The following RIMS1 variants were observed in gnomAD, a reference collection of about 807,000 sequenced individuals.
RIMS1 encodes the protein regulating synaptic membrane exocytosis protein 1.
RIMS1 carries 83 observed loss-of-function variants against 214.1 expected under a neutral mutation model. The observed-to-expected ratio is 0.39, with a 90% CI of 0.32 to 0.47. The LOEUF is 0.47. RIMS1 is among the 20% of genes least tolerant of loss of function. The pLI is 0.99. For synonymous variants in RIMS1, 793 were observed against 786.8 expected (o/e 1.01, Z -0.13); for missense variants, 2,050 against 2,161.8 (o/e 0.95, Z 1.03).
At chr6:71,982,718 T>C (rs1798811761) in intron 2 of RIMS1, among the ~76,000 whole-genome samples, 1 of 152,134 alleles carries the variant, frequency 6.6e-6, no homozygotes, top group African/African-American at 2.4e-5. Context: ...CAGTTCTCAC[T>C]CCCATCCTCA....
chr6:71,903,346 T>A (rs572759720), intron 1 of RIMS1, among the ~76,000 whole-genome samples: 1 of 152,288 alleles, frequency 6.6e-6, no homozygotes, highest in Non-Finnish European at 1.5e-5. Context: ...TGTCTGTTCA[T>A]GTCCTTTGCC....
At position 72,233,797 on chromosome 6, in the gene RIMS1, A is replaced by G. The variant is rs1589871427; in HGVS notation, c.1703A>G (p.Asp568Gly). ...EKGDLDYYWL[D>G]PATWHSRETS... Reference sequence around the variant, plus strand: ...GGTGATTTGGATTATTACTGGTTGGATCCTGCCACGTGGCACAGCCGGGAG... The same window carrying G: ...GGTGATTTGGATTATTACTGGTTGGGTCCTGCCACGTGGCACAGCCGGGAG... Residue 568 changes from aspartate to glycine, a missense_variant, in exon 7 of 34, where the codon GAT becomes GGT. Asp to Gly is a moderately conservative substitution (Grantham distance 94, BLOSUM62 -1). This residue lies in a region of RIMS1 where 882 missense variants were observed against 828.9 expected (regional missense o/e 1.06). Transcript: ENST00000521978. 1 of 1,579,606 alleles carries G rather than the reference A, an allele frequency of 6.3e-7. No individual in the cohort carries two copies. The highest frequency in any genetic ancestry group is 1.8e-5 in the Admixed American group (1 of 55,684).
At chr6:72,395,242 G>A (rs1316585918) in intron 31 of RIMS1, among the ~76,000 whole-genome samples, 1 of 151,982 alleles carries the variant, frequency 6.6e-6, no homozygotes, top group Non-Finnish European at 1.5e-5. Flanking sequence ...GAAAAATAAT[G>A]ATGCCTGAAC....
chr6:72,363,650 T>C (rs1014274040), intron 29 of RIMS1, among the ~76,000 whole-genome samples: 5 of 152,236 alleles, frequency 3.3e-5, no homozygotes, highest in African/African-American at 1.2e-4. Context: ...TAAGCACTAC[T>C]GGAAACATAC....
chr6:72,255,523 C>T (rs911520110), intron 16 of RIMS1, among the ~76,000 whole-genome samples: 4 of 152,132 alleles, frequency 2.6e-5, no homozygotes, highest in Non-Finnish European at 4.4e-5. Context: ...AGCAGGTTTT[C>T]AGCAGTTGAG....
chr6:72,358,336 TTTTTCTCTTTTTTTAAGTGAGTAC>T (rs1317673849), intron 29 of RIMS1, among the ~76,000 whole-genome samples: 2 of 152,162 alleles, frequency 1.3e-5, no homozygotes, highest in Non-Finnish European at 2.9e-5. Flanking sequence ...TCAATGAGTA[TTTTTCTCTTTTTTTAAGTGAGTAC>T]TTTTCTCTTT....
chr6:72,283,202 T>C (rs536952427), intron 23 of RIMS1, among the ~76,000 whole-genome samples: 1 of 152,160 alleles, frequency 6.6e-6, no homozygotes, highest in African/African-American at 2.4e-5. Flanking sequence ...TCTCTCTTTT[T>C]TTTTGTAATA....
intron 9 of RIMS1, 110 bp from the exon 10 acceptor site, chr6:72,242,204 C>A: frequency 2.4e-6 from 2 of 844,584 alleles, no homozygotes; most frequent in Middle Eastern, 3.6e-4. Context: ...AGAGCCTAGA[C>A]AATTAAACTA....
chr6:72,239,159 G>A (rs2065600262), intron 9 of RIMS1, among the ~76,000 whole-genome samples: 1 of 152,108 alleles, frequency 6.6e-6, no homozygotes, highest in Non-Finnish European at 1.5e-5. Flanking sequence ...TCCCTTGTTG[G>A]CTAATGTAAA....
chr6:71,934,240 A>C (rs1444619385), intron 1 of RIMS1, among the ~76,000 whole-genome samples: 3 of 152,078 alleles, frequency 2.0e-5, no homozygotes, highest in Non-Finnish European at 4.4e-5. Context: ...AAAACACATA[A>C]CTGTTGTCTT....
At chr6:71,983,684 A>G (rs2151506581) in intron 2 of RIMS1, among the ~76,000 whole-genome samples, 1 of 152,324 alleles carries the variant, frequency 6.6e-6, no homozygotes, top group South Asian at 2.1e-4. Flanking sequence ...ACTGTCCTGA[A>G]TGCTCAGATG....
At chr6:71,941,542 G>A (rs577040313) in intron 1 of RIMS1, among the ~76,000 whole-genome samples, 3 of 152,180 alleles carry the variant, frequency 2.0e-5, no homozygotes, top group East Asian at 1.9e-4. Context: ...AATATGCAGG[G>A]TTTTCTTCCC....
intron 29 of RIMS1, among the ~76,000 whole-genome samples, chr6:72,375,095 G>T (rs915179753): frequency 6.6e-5 from 10 of 152,204 alleles, no homozygotes; most frequent in Non-Finnish European, 1.3e-4. Context: ...ACCTCCTGCT[G>T]TGCAGCCTGC....
At chr6:72,360,092 T>C (rs1315656983) in intron 29 of RIMS1, among the ~76,000 whole-genome samples, 3 of 152,200 alleles carry the variant, frequency 2.0e-5, no homozygotes, top group African/African-American at 7.2e-5. Flanking sequence ...AGAGTTTTGT[T>C]CACCCTCCAA....
chr6:71,953,070 T>G (rs1790133649), intron 1 of RIMS1, among the ~76,000 whole-genome samples: 1 of 151,350 alleles, frequency 6.6e-6, no homozygotes, highest in African/African-American at 2.4e-5. Flanking sequence ...CACTTCAACC[T>G]CTGCCTCCTG....
At chr6:72,377,011 G>T (rs1230327561) in intron 29 of RIMS1, among the ~76,000 whole-genome samples, 2 of 152,138 alleles carry the variant, frequency 1.3e-5, no homozygotes, top group Non-Finnish European at 2.9e-5. Context: ...ATTCATATAT[G>T]CCATTTAAAA....
intron 1 of RIMS1, among the ~76,000 whole-genome samples, chr6:71,918,680 T>G (rs1779126152): frequency 6.6e-6 from 1 of 152,094 alleles, no homozygotes; most frequent in African/African-American, 2.4e-5. Flanking sequence ...ATCTTGATGG[T>G]GTACAGAAGA....
chr6:72,298,050 C>T (rs1351072979), intron 26 of RIMS1, among the ~76,000 whole-genome samples: 1 of 151,904 alleles, frequency 6.6e-6, no homozygotes, highest in Non-Finnish European at 1.5e-5. Flanking sequence ...GTAGGACAAC[C>T]AGTGGTTCCA....
chr6:72,364,867 C>T (rs965764471), intron 29 of RIMS1, among the ~76,000 whole-genome samples: 4 of 152,196 alleles, frequency 2.6e-5, no homozygotes, highest in African/African-American at 9.6e-5. Context: ...GGCTATGGGA[C>T]TGCTTGCAGA....
Sources: allele counts gnomAD v4.1 joint callset (sites outside exome capture counted in the v4.1 genomes callset), GRCh38; gene constraint gnomAD v4.1.1; regional missense constraint gnomAD v4.1.1; transcripts MANE v1.5; gene names NCBI Gene and HGNC (gene_info 2026-07-23, HGNC 2026-07-21).